Variants in PTPRC observed in about 807,000 individuals in gnomAD.
PTPRC encodes receptor-type tyrosine-protein phosphatase C.
In PTPRC, 44 loss-of-function variants were observed where a neutral mutation model predicts 155.9. The observed-to-expected ratio is 0.28, with a 90% CI of 0.22 to 0.36. The LOEUF is 0.36. Ranked by LOEUF, PTPRC falls within the 10% of genes least tolerant of loss-of-function variation. The pLI, the probability that PTPRC is intolerant of heterozygous loss-of-function variation, is 1.00. For missense variants in PTPRC, 1,401 were observed against 1,564.6 expected (o/e 0.90, Z 1.76); for synonymous variants, 525 against 533.1 (o/e 0.98, Z 0.21).
intron 15 of PTPRC, among the ~76,000 whole-genome samples, chr1:198,727,420 T>C (rs1490688609): frequency 6.6e-6 from 1 of 152,166 alleles, no homozygotes; most frequent in East Asian, 1.9e-4. Context: ...CCTAAGTACC[T>C]AGAGCTGAGT....
intron 2 of PTPRC, among the ~76,000 whole-genome samples, chr1:198,664,195 C>T (rs1664145060): frequency 6.6e-6 from 1 of 152,090 alleles, no homozygotes; most frequent in African/African-American, 2.4e-5. Context: ...TTCTGGAAGG[C>T]GGTGCCTGTG....
Position 198,692,286 on chromosome 1 carries a change from G to A in PTPRC, c.74-61G>A, listed in dbSNP as rs201311724. ...AGGTACATATAAAAATCTAATATAT[G>A]TTTACATTAATATGAATGAAATTTG... On this transcript the variant is annotated intron_variant, in intron 2 of 32. Coordinates refer to ENST00000442510, the MANE Select transcript of PTPRC (RefSeq NM_002838.5). 6,399 of 1,278,576 alleles carry A rather than the reference G, an allele frequency of 5.0e-3. 59 individuals carry two copies. The highest frequency in any genetic ancestry group is 0.026 in the South Asian group (1,707 of 66,268). 79.2% of individuals were successfully genotyped at this position (1,278,576 alleles called of 1,614,324 possible).
chr1:198,710,224 G>A (rs1222850054), intron 11 of PTPRC, among the ~76,000 whole-genome samples: 1 of 152,122 alleles, frequency 6.6e-6, no homozygotes, highest in African/African-American at 2.4e-5. Context: ...CCACTGAATA[G>A]TCTTGCCATT....
At chr1:198,703,487 G>A in intron 7 of PTPRC, 115 bp downstream of exon 7, 2 of 1,535,508 alleles carry the variant, frequency 1.3e-6, no homozygotes, top group African/African-American at 1.4e-5. Context: ...TGCATTAAGT[G>A]TTTGAATCCT....
At chr1:198,662,988 G>A (rs1256026459) in intron 2 of PTPRC, among the ~76,000 whole-genome samples, 1 of 152,178 alleles carries the variant, frequency 6.6e-6, no homozygotes, top group African/African-American at 2.4e-5. Flanking sequence ...AATTACGCCT[G>A]ACCCCTGGCC....
In PTPRC at chr1:198,722,451, CT is replaced by C; in HGVS notation, c.1698del (p.Phe566LeufsTer14). Reference protein sequence around the residue: ...FHNGDYPGEPFILHHSTSYNS... With the variant: ...FHNGDYPGEPXILHHSTSYNS... ...ACAATGGAGACTATCCTGGAGAACCCTTTATTTTACATCATTCAACATCTTG... is the reference window on the plus strand; with the variant it reads ...ACAATGGAGACTATCCTGGAGAACCCTTATTTTACATCATTCAACATCTTG... On this transcript the variant is annotated frameshift_variant, in exon 15 of 33. Coordinates refer to ENST00000442510, the MANE Select transcript of PTPRC (RefSeq NM_002838.5). LOFTEE classifies it high-confidence loss of function. 1 of 1,471,582 alleles carries C rather than the reference CT, an allele frequency of 6.8e-7. No homozygotes were observed. The highest frequency in any genetic ancestry group is 1.5e-5 in the South Asian group (1 of 65,316). The allele number at this position is 1,471,582 out of a possible 1,614,324, so 91.2% of individuals were successfully genotyped here.
intron 2 of PTPRC, among the ~76,000 whole-genome samples, chr1:198,642,928 CT>C (rs1557960280): frequency 1.4e-5 from 2 of 147,208 alleles, no homozygotes; most frequent in African/African-American, 5.0e-5. Flanking sequence ...TTCTTTCTTT[CT>C]TTCTTTCTTT....
rs571501083 is a variant in PTPRC, at chr1:198,686,908, T to C, written c.74-5439T>C. ...ACTACATCAGTTCATTTGTTTTGCATTGGACAAGCACAGTAATATTTAACC... is the reference window on the plus strand; with the variant it reads ...ACTACATCAGTTCATTTGTTTTGCACTGGACAAGCACAGTAATATTTAACC... On this transcript the variant is annotated intron_variant, in intron 2 of 32. Transcript: ENST00000442510. 6.6e-5 allele frequency among the ~76,000 whole-genome samples: 10 copies of C among 152,340 alleles called. No homozygotes were observed. The East Asian group carries it at 1.2e-3, about 18-fold the overall frequency.
chr1:198,738,814 C>A lies in PTPRC; in HGVS notation c.2404-3055C>A, dbSNP rs1223058147. Among the ~76,000 whole-genome samples the A allele has an allele frequency of 2.6e-5, 4 of 151,666 alleles. No homozygotes were observed. The East Asian group carries it at 7.8e-4, about 30-fold the overall frequency. On this transcript the variant is annotated intron_variant, in intron 23 of 32. Transcript: ENST00000442510. ...TTTGCTGGGAAACTTTTCATGACAA[C>A]CTCCGTTTCATTACTTGTTGTCTGT...
At chr1:198,731,568 C>A in intron 17 of PTPRC, 49 bp from the exon 18 acceptor site, 1 of 1,370,444 alleles carries the variant, frequency 7.3e-7, no homozygotes. Flanking sequence ...TGTGTATGCC[C>A]ACCTGAAAGA....
At chr1:198,640,399 A>T (rs1428330427) in intron 2 of PTPRC, among the ~76,000 whole-genome samples, 26 of 151,950 alleles carry the variant, frequency 1.7e-4, no homozygotes. Context: ...AAAGTCAGGG[A>T]AGTAGCTACC....
At position 198,702,389 on chromosome 1, in the gene PTPRC, G is replaced by A. The variant is rs1666506064; in HGVS notation, c.442G>A (p.Val148Ile). The A allele has an allele frequency of 2.5e-6, 4 of 1,614,032 alleles. No individual in the cohort carries two copies. Among genetic ancestry groups the A allele is most frequent in the African/African-American group, 2.7e-5 (2 of 74,896 alleles). The part of the protein sequence containing the change: ...PTPGSNAISD[V>I]PGERSTASTF... ...GCTGATGGCCCTTCTGATTGCAGATGTCCCAGGAGAGAGGAGTACAGCCAG... is the reference window on the plus strand; with the variant it reads ...GCTGATGGCCCTTCTGATTGCAGATATCCCAGGAGAGAGGAGTACAGCCAG... Residue 148 changes from valine to isoleucine, a missense_variant and splice_region_variant, in exon 6 of 33, where the codon GTC (valine) becomes ATC (isoleucine). Around this residue, in one of 3 missense-constraint regions of PTPRC, gnomAD observed 867 missense variants for 970.4 expected, o/e 0.89. Transcript: ENST00000442510.
intron 4 of PTPRC, among the ~76,000 whole-genome samples, chr1:198,697,709 A>T (rs1666272397): frequency 6.6e-6 from 1 of 152,262 alleles, no homozygotes; most frequent in Admixed American, 6.5e-5. Flanking sequence ...GTTTATAGAC[A>T]TACTCTGATA....
intron 2 of PTPRC, among the ~76,000 whole-genome samples, chr1:198,663,072 T>G (rs1557977515): frequency 6.6e-6 from 1 of 152,168 alleles, no homozygotes; most frequent in African/African-American, 2.4e-5. Context: ...ACCTAGGAAG[T>G]GCAATAGATT....
chr1:198,668,482 G>A (rs1664448041), intron 2 of PTPRC, among the ~76,000 whole-genome samples: 1 of 152,192 alleles, frequency 6.6e-6, no homozygotes, highest in South Asian at 2.1e-4. Context: ...ATTAAAATGT[G>A]CGTGTTATGG....
chr1:198,673,593 A>C (rs555221770), intron 2 of PTPRC, among the ~76,000 whole-genome samples: 2 of 152,194 alleles, frequency 1.3e-5, no homozygotes, highest in Admixed American at 1.3e-4. Flanking sequence ...TTTATTTTCA[A>C]TACATTCAAA....
chr1:198,736,899 ATAACT>A (rs1371464543), intron 23 of PTPRC, among the ~76,000 whole-genome samples: 1 of 151,672 alleles, frequency 6.6e-6, no homozygotes, highest in Non-Finnish European at 1.5e-5. Context: ...GAGCATAGTG[ATAACT>A]TAATGTAGTT....
intron 11 of PTPRC, among the ~76,000 whole-genome samples, chr1:198,711,790 A>G (rs1170529991): frequency 6.6e-6 from 1 of 152,244 alleles, no homozygotes; most frequent in Non-Finnish European, 1.5e-5. Flanking sequence ...AAACAGCTCA[A>G]TTGAAAATGG....
chr1:198,714,919 A>G (rs185460624), intron 12 of PTPRC, among the ~76,000 whole-genome samples: 171 of 152,080 alleles, frequency 1.1e-3, no homozygotes, highest in African/African-American at 3.3e-3. Context: ...AGGAGAAAAA[A>G]TGCAATTGAC....
Sources: gnomAD v4.1 joint callset for allele counts (sites outside exome capture counted in the v4.1 genomes callset) on GRCh38, gnomAD v4.1.1 for gene constraint, gnomAD v4.1.1 regional missense constraint, MANE v1.5 for transcripts, NCBI Gene and HGNC (gene_info 2026-07-23, HGNC 2026-07-21) for gene names.